CDK8: variants seen among roughly 807,000 people sequenced by gnomAD.
The protein encoded by CDK8 is cyclin dependent kinase 8, also known as cyclin-dependent kinase 8.
In CDK8, 29 loss-of-function variants were observed where a neutral mutation model predicts 71.5. The ratio of observed to expected loss-of-function variants is 0.41; its 90% confidence interval spans 0.30 to 0.55. The LOEUF is 0.55. CDK8 is among the 20% of genes least tolerant of loss of function. The pLI, the probability that CDK8 is intolerant of heterozygous loss-of-function variation, is 0.37. For synonymous variants in CDK8, 161 were observed against 192.1 expected, an observed-to-expected ratio of 0.84 and a Z score of 1.34; for missense variants, 288 against 572.6, an observed-to-expected ratio of 0.50 and a Z score of 5.07.
At position 26,404,955 on chromosome 13, in the gene CDK8, T is replaced by C. The variant is rs1248343099; in HGVS notation, c.*874T>C. The stretch of plus-strand genomic sequence containing the variant: ...AAAGGTGCGGCATCCAATTCAAATA[T>C]TTTCGTCCTGATTTTAAAGCTGGTT... On this transcript the variant is annotated 3_prime_UTR_variant, in exon 13 of 13. Coordinates refer to ENST00000381527, the MANE Select transcript of CDK8 (RefSeq NM_001260.3). 1 of 201,536 alleles carries C rather than the reference T, an allele frequency of 5.0e-6. No homozygotes were observed. The highest frequency in any genetic ancestry group is 1.0e-5 in the Non-Finnish European group (1 of 97,936). 12.5% of individuals were successfully genotyped at this position (201,536 alleles called of 1,614,324 possible).
At chr13:26,264,194 AT>A (rs1359359343) in intron 1 of CDK8, among the ~76,000 whole-genome samples, 1 of 152,160 alleles carries the variant, frequency 6.6e-6, no homozygotes, top group Non-Finnish European at 1.5e-5. Flanking sequence ...CTTAATGTTG[AT>A]TTTTTAAAGT....
intron 12 of CDK8, among the ~76,000 whole-genome samples, chr13:26,402,733 C>A (rs953671783): frequency 1.3e-5 from 2 of 152,128 alleles, no homozygotes; most frequent in African/African-American, 4.8e-5. Context: ...TCTCTCTTGG[C>A]CCACAAATGT....
At chr13:26,343,356 G>A in intron 2 of CDK8, among the ~76,000 whole-genome samples, 1 of 152,056 alleles carries the variant, frequency 6.6e-6, no homozygotes, top group East Asian at 1.9e-4. Context: ...ATATTAAATA[G>A]AAAAGGCATG....
intron 1 of CDK8, among the ~76,000 whole-genome samples, chr13:26,332,213 T>G (rs1008598747): frequency 2.6e-5 from 4 of 151,842 alleles, no homozygotes; most frequent in Non-Finnish European, 4.4e-5. Flanking sequence ...TTTGGTGGAG[T>G]CTTTAGGTTT....
At position 26,405,067 on chromosome 13, in the gene CDK8, A is replaced by T. The variant is rs2138081638; in HGVS notation, c.*986A>T. The T allele has an allele frequency of 5.5e-6, 1 of 183,276 alleles. No homozygotes were observed. Among genetic ancestry groups the T allele is most frequent in the Admixed American group, 6.2e-5 (1 of 16,004 alleles). The allele number at this position is 183,276 out of a possible 1,614,324, so 11.4% of individuals were successfully genotyped here. On this transcript the variant is annotated 3_prime_UTR_variant, in exon 13 of 13. Coordinates refer to ENST00000381527, the MANE Select transcript of CDK8 (RefSeq NM_001260.3). ...GTTTAGGGTGCCCTTACTTCAGCAA[A>T]GGAGAAGGAGTAGGAGAGCCTTAGA...
At chr13:26,347,592 CA>C (rs1873512683) in intron 2 of CDK8, among the ~76,000 whole-genome samples, 1 of 152,046 alleles carries the variant, frequency 6.6e-6, no homozygotes, top group South Asian at 2.1e-4. Context: ...GCAGCAACAA[CA>C]AAACAACCTG....
chr13:26,383,026 G>A (rs944045302), intron 5 of CDK8, among the ~76,000 whole-genome samples, 155 bp downstream of exon 5: 4 of 152,126 alleles, frequency 2.6e-5, no homozygotes, highest in African/African-American at 7.2e-5. Flanking sequence ...AGTGAAAAAT[G>A]TTTCACACTC....
intron 1 of CDK8, among the ~76,000 whole-genome samples, chr13:26,334,463 G>A (rs901961335): frequency 1.3e-5 from 2 of 151,688 alleles, no homozygotes; most frequent in South Asian, 2.1e-4. Flanking sequence ...CCTTAACTTC[G>A]TCTTTCTTTC....
chr13:26,389,407 G>A (rs1384845039), intron 6 of CDK8, among the ~76,000 whole-genome samples: 1 of 151,984 alleles, frequency 6.6e-6, no homozygotes, highest in Non-Finnish European at 1.5e-5. Flanking sequence ...TGATCCGCCT[G>A]CCTCGGCCTC....
intron 1 of CDK8, among the ~76,000 whole-genome samples, chr13:26,284,683 C>T (rs905021825): frequency 7.2e-5 from 11 of 152,224 alleles, no homozygotes; most frequent in Admixed American, 5.9e-4. Context: ...TAGATTCTAT[C>T]AGGCATTCAG....
chr13:26,273,774 TA>T lies in CDK8; in HGVS notation c.128+19014del, dbSNP rs1030617566. On this transcript the variant is annotated intron_variant, in intron 1 of 12. Coordinates refer to ENST00000381527, the MANE Select transcript of CDK8 (RefSeq NM_001260.3). ...CTTCTCCTTATTGTCAGCTGTTACT[TA>T]AAAAAAAAGTTTTATACTTTTAAAT... is the stretch of plus-strand genomic sequence containing the variant. 6.6e-5 allele frequency among the ~76,000 whole-genome samples: 10 copies of T among 151,144 alleles called. No homozygotes were observed. In the South Asian group the frequency reaches 1.3e-3, roughly 19 times the overall value.
chr13:26,294,086 A>G (rs916389514), intron 1 of CDK8, among the ~76,000 whole-genome samples: 1 of 151,980 alleles, frequency 6.6e-6, no homozygotes, highest in African/African-American at 2.4e-5. Context: ...TGTTGTTGCA[A>G]ATGACCAGAT....
chr13:26,303,992 C>T (rs937520588), intron 1 of CDK8, among the ~76,000 whole-genome samples: 54 of 152,152 alleles, frequency 3.5e-4, no homozygotes, highest in African/African-American at 1.1e-3. Context: ...TGGCCAGGCT[C>T]GGTGGCTCAC....
At chr13:26,374,148 C>T (rs377741192) in intron 4 of CDK8, among the ~76,000 whole-genome samples, 1 of 151,622 alleles carries the variant, frequency 6.6e-6, no homozygotes, top group Non-Finnish European at 1.5e-5. Context: ...TTGCAGTGAT[C>T]GGAGATCACG....
chr13:26,327,833 A>G (rs1875091285), intron 1 of CDK8, among the ~76,000 whole-genome samples: 1 of 152,230 alleles, frequency 6.6e-6, no homozygotes, highest in Non-Finnish European at 1.5e-5. Flanking sequence ...TGTCTCAAAC[A>G]AAAATAAAAA....
chr13:26,357,557 A>T (rs187753495), intron 4 of CDK8, among the ~76,000 whole-genome samples: 27 of 152,266 alleles, frequency 1.8e-4, no homozygotes, highest in East Asian at 7.7e-4. Flanking sequence ...AAGGGAAAAT[A>T]GTTTGACTAC....
intron 3 of CDK8, among the ~76,000 whole-genome samples, chr13:26,351,918 A>G (rs976025369): frequency 1.3e-5 from 2 of 152,096 alleles, no homozygotes; most frequent in Non-Finnish European, 2.9e-5. Flanking sequence ...CATGGTATGT[A>G]TATTTTGCAT....
intron 4 of CDK8, among the ~76,000 whole-genome samples, chr13:26,364,857 T>C (rs1406083125): frequency 6.6e-6 from 1 of 152,084 alleles, no homozygotes; most frequent in African/African-American, 2.4e-5. Flanking sequence ...AAATTACCCA[T>C]AGACTAAAAG....
intron 4 of CDK8, among the ~76,000 whole-genome samples, chr13:26,356,709 T>TATGAG (rs1444201150): frequency 8.5e-5 from 13 of 152,306 alleles, no homozygotes; most frequent in African/African-American, 2.6e-4. Flanking sequence ...CTAATGTATG[T>TATGAG]AGTAATATGA....
Sources: gnomAD v4.1 joint callset for allele counts (sites outside exome capture counted in the v4.1 genomes callset) on GRCh38, gnomAD v4.1.1 for gene constraint, MANE v1.5 for transcripts, NCBI Gene and HGNC (gene_info 2026-07-23, HGNC 2026-07-21) for gene names.